Variants in CYS1 observed in about 807,000 individuals in gnomAD.
The protein encoded by CYS1 is cystin-1.
In CYS1, 5 loss-of-function variants were observed where a neutral mutation model predicts 9.6. The ratio of observed to expected loss-of-function variants is 0.52; its 90% CI spans 0.27 to 1.10. The LOEUF (loss-of-function observed/expected upper bound fraction) is 1.10, where lower values mean the gene tolerates loss of function less well. Ranked by LOEUF, CYS1 falls within the 50% of genes least tolerant of loss-of-function variation. The pLI, the probability that CYS1 is intolerant of heterozygous loss-of-function variation, is 0.11. For synonymous variants in CYS1, 88 were observed against 95.7 expected, an observed-to-expected ratio of 0.92 and a Z score of 0.47; for missense variants, 221 against 207.9, an observed-to-expected ratio of 1.06 and a Z score of -0.39.
At position 10,076,801 on chromosome 2, in the gene CYS1, T is replaced by A. The variant is rs534566178; in HGVS notation, c.318+3105A>T. On this transcript the variant is annotated intron_variant, in intron 1 of 2. Coordinates refer to ENST00000381813, the MANE Select transcript of CYS1 (RefSeq NM_001037160.3). The surrounding 1 kb of genome is among the most constrained non-coding windows in gnomAD (Gnocchi z 4.3). ...GCTTCCTAAGCACACGCTGGCAGCA[T>A]CGTCACTGGTGATCCCATCTAATCT... is the stretch of plus-strand genomic sequence containing the variant. 1.7e-3 allele frequency among the ~76,000 whole-genome samples: 264 copies of A among 152,276 alleles called. 1 individual carries two copies. The highest frequency in any genetic ancestry group is 6.1e-3 in the African/African-American group (252 of 41,568).
intron 1 of CYS1, 92 bp from the exon 2 acceptor site, chr2:10,066,048 C>A: frequency 7.2e-7 from 1 of 1,386,240 alleles, no homozygotes; most frequent in Non-Finnish European, 1.0e-6. Flanking sequence ...CGATGGCCAC[C>A]ACTTTCAACC....
intron 2 of CYS1, among the ~76,000 whole-genome samples, chr2:10,065,274 CT>C (rs892731426): frequency 6.6e-6 from 1 of 152,208 alleles, no homozygotes; most frequent in Non-Finnish European, 1.5e-5. Flanking sequence ...CATTTCCAAA[CT>C]TTTTCACTCC....
At position 10,063,061 on chromosome 2, in the gene CYS1, C is replaced by T. The variant is rs902895517; in HGVS notation, c.371+2843G>A. Among the ~76,000 whole-genome samples the T allele has an allele frequency of 7.2e-5, 11 of 152,256 alleles. No individual in the cohort carries two copies. The highest frequency in any genetic ancestry group is 1.6e-4 in the Non-Finnish European group (11 of 68,044). Reference sequence around the variant, plus strand: ...GCTTCCCTCTGCTGCTTCCGCAGGGCCCTCCCGGGGGAAGGACCTGGCGTT... The same window carrying T: ...GCTTCCCTCTGCTGCTTCCGCAGGGTCCTCCCGGGGGAAGGACCTGGCGTT... On this transcript the variant is annotated intron_variant, in intron 2 of 2. Coordinates refer to ENST00000381813, the MANE Select transcript of CYS1 (RefSeq NM_001037160.3). The surrounding 1 kb of genome is among the most constrained non-coding windows in gnomAD (Gnocchi z 4.2).
At chr2:10,059,872 G>A (rs1008622757) in intron 2 of CYS1, among the ~76,000 whole-genome samples, 1 of 152,234 alleles carries the variant, frequency 6.6e-6, no homozygotes, top group Admixed American at 6.5e-5. Context: ...ACCGAGACCA[G>A]AGCTCCTGCT....
rs143669986 is a variant in CYS1 at position 10,060,852 on chromosome 2, G to T, written c.372-1894C>A. 4.2e-3 allele frequency among the ~76,000 whole-genome samples: 644 copies of T among 152,360 alleles called. 3 individuals carry two copies. Among genetic ancestry groups the T allele is most frequent in the Admixed American group, 7.1e-3 (108 of 15,306 alleles). ...GAGTCCAGCCTGAGGGCTGGACCAG[G>T]CGCCATCTGCGGTGTGTCTACCACA... On this transcript the variant is annotated intron_variant, in intron 2 of 2. Transcript: ENST00000381813.
chr2:10,059,702 T>A lies in CYS1; in HGVS notation c.372-744A>T, dbSNP rs142087602. On this transcript the variant is annotated intron_variant, in intron 2 of 2. Transcript: ENST00000381813. ...AAGTAAGACTCTGTCTCAAAAAAAATAAATAAAAAATAAAAGGGAATTACT... is the reference window on the plus strand; with the variant it reads ...AAGTAAGACTCTGTCTCAAAAAAAAAAAATAAAAAATAAAAGGGAATTACT... 4.4e-3 allele frequency among the ~76,000 whole-genome samples: 677 copies of A among 152,138 alleles called. 7 individuals are homozygous for A. The highest frequency in any genetic ancestry group is 0.015 in the African/African-American group (631 of 41,484).
Position 10,058,844 on chromosome 2 carries a change from A to G in CYS1, c.*9T>C. The G allele has an allele frequency of 6.4e-7, 1 of 1,559,696 alleles. No individual in the cohort carries two copies. Among genetic ancestry groups the G allele is most frequent in the South Asian group, 1.2e-5 (1 of 85,058 alleles). On this transcript the variant is annotated 3_prime_UTR_variant, in exon 3 of 3. Coordinates refer to ENST00000381813, the MANE Select transcript of CYS1 (RefSeq NM_001037160.3). ...CTCCGAGGCCTGGCGGGGGTGGAGCATGCTGTCCTCAGCGGCAGTACTCCC... is the reference window on the plus strand; with the variant it reads ...CTCCGAGGCCTGGCGGGGGTGGAGCGTGCTGTCCTCAGCGGCAGTACTCCC...
rs1661582769 is a variant in CYS1 at position 10,058,630 on chromosome 2, AC to A, written c.*222del. ...AGGCGCCGGCGGCCCAGGCCCACGC[AC>A]CTGTGGGTCTACACAGCTAATCGCC... On this transcript the variant is annotated 3_prime_UTR_variant, in exon 3 of 3. Coordinates refer to ENST00000381813, the MANE Select transcript of CYS1 (RefSeq NM_001037160.3). The A allele has an allele frequency of 2.3e-6, 1 of 444,284 alleles. No homozygotes were observed. Among genetic ancestry groups the A allele is most frequent in the Non-Finnish European group, 4.0e-6 (1 of 247,314 alleles). The allele number at this position is 444,284 out of a possible 1,614,324, so 27.5% of individuals were successfully genotyped here.
rs1572464045 is a variant in CYS1 at position 10,080,298 on chromosome 2, G to A, written c.-75C>T. The A allele has an allele frequency of 1.1e-5, 10 of 933,770 alleles. No individual in the cohort carries two copies. In the South Asian group the frequency reaches 3.9e-4, roughly 37 times the overall value. The allele number at this position is 933,770 out of a possible 1,614,324, so 57.8% of individuals were successfully genotyped here. Reference sequence around the variant, plus strand: ...GCGGCCGGGGGCGGGGACGCTAGGGGGTGCGGCCGGGGCGGGCTGCAGGGG... The same window carrying A: ...GCGGCCGGGGGCGGGGACGCTAGGGAGTGCGGCCGGGGCGGGCTGCAGGGG... On this transcript the variant is annotated 5_prime_UTR_variant, in exon 1 of 3. Coordinates refer to ENST00000381813, the MANE Select transcript of CYS1 (RefSeq NM_001037160.3). This position sits in a 1 kb window ranked among gnomAD's most constrained non-coding sequence, Gnocchi z 6.4.
intron 2 of CYS1, among the ~76,000 whole-genome samples, chr2:10,060,539 T>C (rs1032374039): frequency 1.3e-5 from 2 of 152,192 alleles, no homozygotes; most frequent in Non-Finnish European, 2.9e-5. Context: ...CATGCCCCTA[T>C]TGACCAGCTG....
chr2:10,066,076 G>T, intron 1 of CYS1, 120 bp from the exon 2 acceptor site: 1 of 1,089,888 alleles, frequency 9.2e-7, no homozygotes, highest in Non-Finnish European at 1.4e-6. Context: ...CATAAGCCTC[G>T]GAGCGGAAAG....
chr2:10,072,113 C>T (rs1476387325), intron 1 of CYS1, among the ~76,000 whole-genome samples: 2 of 150,464 alleles, frequency 1.3e-5, no homozygotes, highest in Non-Finnish European at 3.0e-5. Flanking sequence ...GACAGAGTTT[C>T]GCTCTTGTCG....
chr2:10,073,748 C>G (rs1051601538), intron 1 of CYS1, among the ~76,000 whole-genome samples: 1 of 152,158 alleles, frequency 6.6e-6, no homozygotes, highest in African/African-American at 2.4e-5. Flanking sequence ...AGGTTAAGAG[C>G]TCTTGGTCAG....
At chr2:10,061,803 G>A (rs1250183984) in intron 2 of CYS1, among the ~76,000 whole-genome samples, 1 of 152,124 alleles carries the variant, frequency 6.6e-6, no homozygotes, top group African/African-American at 2.4e-5. Flanking sequence ...CCAACACCGT[G>A]GGGCAATTTG....
intron 1 of CYS1, among the ~76,000 whole-genome samples, chr2:10,075,422 G>C (rs185020460): frequency 6.6e-6 from 1 of 152,196 alleles, no homozygotes; most frequent in South Asian, 2.1e-4. Flanking sequence ...TTGTCCCCTG[G>C]ATCAATTGAA....
At position 10,065,950 on chromosome 2, in the gene CYS1, C is replaced by G. The variant is rs182884229; in HGVS notation, c.325G>C (p.Ala109Pro). ...PTAVAGSAVC[A>P]EQSTEGHPGS... Reference sequence around the variant, plus strand: ...GGGTGGCCCTCTGTGCTCTGCTCTGCGCACACCTTGAGAAAGATGAAATGA... The same window carrying G: ...GGGTGGCCCTCTGTGCTCTGCTCTGGGCACACCTTGAGAAAGATGAAATGA... The change falls in exon 2 of 3, where the codon GCA becomes CCA. Residue 109 changes from alanine (A) to proline (P), a missense_variant. Physicochemically the swap from Ala to Pro is conservative, Grantham distance 27. Transcript: ENST00000381813. The G allele has an allele frequency of 1.9e-6, 3 of 1,614,060 alleles. No homozygotes were observed. The highest frequency in any genetic ancestry group is 2.5e-6 in the Non-Finnish European group (3 of 1,180,016).
At chr2:10,075,856 G>A (rs1315530249) in intron 1 of CYS1, among the ~76,000 whole-genome samples, 2 of 152,176 alleles carry the variant, frequency 1.3e-5, no homozygotes, top group East Asian at 1.9e-4. Flanking sequence ...TATAGGCAGA[G>A]GGAGGAAAAC....
Position 10,080,144 on chromosome 2 carries a change from G to T in CYS1, c.80C>A (p.Ala27Glu), listed in dbSNP as rs749802060. The T allele has an allele frequency of 3.6e-4, 372 of 1,045,522 alleles. 1 individual carries two copies. The African/African-American group carries it at 5.3e-3, about 15-fold the overall frequency. 64.8% of individuals were successfully genotyped at this position (1,045,522 alleles called of 1,614,324 possible). A position where few individuals can be genotyped will look rare whatever the true frequency, so the allele number is the denominator to read the frequency against. ...SPESLPAGPGAAALEGGTRRR... is the reference protein window; with the variant it reads ...SPESLPAGPGEAALEGGTRRR... ...GCGGGTCCCGCCCTCCAGGGCTGCC[G>T]CTCCGGGCCCCGCGGGGAGGCTCTC... The change falls in exon 1 of 3, where the codon GCG becomes GAG. Residue 27 changes from alanine (A) to glutamate (E), a missense_variant. Coordinates refer to ENST00000381813, the MANE Select transcript of CYS1 (RefSeq NM_001037160.3). This position sits in a 1 kb window ranked among gnomAD's most constrained non-coding sequence, Gnocchi z 6.4.
intron 2 of CYS1, among the ~76,000 whole-genome samples, chr2:10,061,087 C>A (rs966303140): frequency 6.6e-6 from 1 of 152,136 alleles, no homozygotes; most frequent in African/African-American, 2.4e-5. Flanking sequence ...CAAAAATTAG[C>A]CGGACATGGT....
Sources: allele counts gnomAD v4.1 joint callset (sites outside exome capture counted in the v4.1 genomes callset), GRCh38; gene constraint gnomAD v4.1.1; non-coding constraint Gnocchi (gnomAD v3.1); transcripts MANE v1.5; gene names NCBI Gene and HGNC (gene_info 2026-07-23, HGNC 2026-07-21).